The following SDSL variants were observed in gnomAD, a reference collection of about 807,000 sequenced individuals.
SDSL encodes serine dehydratase like.
In SDSL, 26 loss-of-function variants were observed where a neutral mutation model predicts 27.6. That is an observed-to-expected ratio of 0.94 (90% CI 0.69 to 1.31). The LOEUF is 1.31. Among genes scored for constraint, SDSL ranks in the 50% most tolerant of loss-of-function variants. SDSL has a pLI of 0.00. For synonymous variants in SDSL, 196 were observed against 180.6 expected, an observed-to-expected ratio of 1.09 and a Z score of -0.69; for missense variants, 431 against 423.5, an observed-to-expected ratio of 1.02 and a Z score of -0.16.
chr12:113,432,249 TTTCTTTCTTTC>T (rs1388181568), intron 4 of SDSL, among the ~76,000 whole-genome samples: 3 of 141,652 alleles, frequency 2.1e-5, no homozygotes, highest in Non-Finnish European at 4.5e-5. Context: ...TCTTTCTTTC[TTTCTTTCTTTC>T]TTTCTTTCTT....
intron 1 of SDSL, among the ~76,000 whole-genome samples, chr12:113,423,305 C>T (rs1039427459): frequency 1.3e-5 from 2 of 152,174 alleles, no homozygotes; most frequent in Admixed American, 6.5e-5. Context: ...TATAGCATCG[C>T]GGTTAATAGC....
Position 113,437,870 on chromosome 12 carries a change from C to T in SDSL, c.797-16C>T, listed in dbSNP as rs186125917. ...TCTTCCCTTTCCTTCCTCTCTCCAT[C>T]CCCCGATCCTGGCAGATGATGAGCG... On this transcript the variant is annotated splice_polypyrimidine_tract_variant and intron_variant, in intron 7 of 7. Transcript: ENST00000403593. The T allele has an allele frequency of 1.1e-4, 168 of 1,576,962 alleles. No homozygotes were observed. Among genetic ancestry groups the T allele is most frequent in the Middle Eastern group, 6.8e-4 (4 of 5,864 alleles).
chr12:113,431,825 G>A (rs1957925341), intron 4 of SDSL, among the ~76,000 whole-genome samples: 1 of 150,456 alleles, frequency 6.6e-6, no homozygotes, highest in South Asian at 2.1e-4. Flanking sequence ...TGCAAGGTCT[G>A]CCTCCCGGGT....
chr12:113,438,026 A>G lies in SDSL; in HGVS notation c.937A>G (p.Asn313Asp), dbSNP rs369428901. ...SVVVIVCGGN[N>D]INSRELQALK... Reference sequence around the variant, plus strand: ...TGTGGTAATCGTGTGTGGAGGCAACAACATCAACAGCCGAGAGCTGCAGGC... The same window carrying G: ...TGTGGTAATCGTGTGTGGAGGCAACGACATCAACAGCCGAGAGCTGCAGGC... Residue 313 changes from asparagine to aspartate, a missense_variant, in exon 8 of 8, where the codon AAC becomes GAC. Physicochemically the swap from Asn to Asp is conservative, Grantham distance 23. Transcript: ENST00000403593. The G allele has an allele frequency of 2.0e-5, 33 of 1,614,008 alleles. No homozygotes were observed. The African/African-American group carries it at 4.3e-4, about 21-fold the overall frequency.
chr12:113,434,989 C>T (rs764817727), intron 5 of SDSL, among the ~76,000 whole-genome samples: 3 of 152,114 alleles, frequency 2.0e-5, no homozygotes, highest in Admixed American at 6.5e-5. Flanking sequence ...GTGGTGCGCA[C>T]CTTTAGTCCC....
At chr12:113,425,357 C>A (rs376209244) in intron 1 of SDSL, among the ~76,000 whole-genome samples, 30 of 152,114 alleles carry the variant, frequency 2.0e-4, no homozygotes, top group African/African-American at 7.2e-4. Context: ...CTGTGCCCTG[C>A]CCGAGGGGGC....
intron 1 of SDSL, among the ~76,000 whole-genome samples, chr12:113,427,610 TC>T (rs1012815374): frequency 3.9e-5 from 6 of 152,180 alleles, no homozygotes; most frequent in African/African-American, 1.4e-4. Flanking sequence ...GACTCGTGGG[TC>T]CCCAAACCTG....
At chr12:113,425,359 C>T (rs1391976408) in intron 1 of SDSL, among the ~76,000 whole-genome samples, 5 of 152,046 alleles carry the variant, frequency 3.3e-5, no homozygotes, top group African/African-American at 1.2e-4. Context: ...GTGCCCTGCC[C>T]GAGGGGGCCC....
chr12:113,426,965 G>A (rs1355075092), intron 1 of SDSL, among the ~76,000 whole-genome samples: 1 of 152,154 alleles, frequency 6.6e-6, no homozygotes, highest in African/African-American at 2.4e-5. Context: ...TACCTCCAGA[G>A]AGACATGCTG....
rs976364966 is a variant in SDSL, at chr12:113,426,090, G to C, written c.-21-1872G>C. On this transcript the variant is annotated intron_variant, in intron 1 of 7. Transcript: ENST00000403593. ...GAATAACAACCAAACTCCTCTCCGT[G>C]GGCGGGAACCCCCTGCTGGCACCCT... 3.8e-5 allele frequency: 17 copies of C among 441,926 alleles called. No homozygotes were observed. In the Admixed American group the frequency reaches 4.1e-4, roughly 11 times the overall value. The allele number at this position is 441,926 out of a possible 1,614,324, so 27.4% of individuals were successfully genotyped here.
Position 113,428,410 on chromosome 12 carries a change from C to A in SDSL, c.175-10C>A. The A allele has an allele frequency of 6.2e-7, 1 of 1,611,228 alleles. No individual in the cohort carries two copies. Among genetic ancestry groups the A allele is most frequent in the Middle Eastern group, 1.8e-4 (1 of 5,416 alleles). On this transcript the variant is annotated splice_polypyrimidine_tract_variant and intron_variant, in intron 2 of 7. Coordinates refer to ENST00000403593, the MANE Select transcript of SDSL (RefSeq NM_001304993.2). Reference sequence around the variant, plus strand: ...GGGTTAGCCGCTAACCCCATTCCTTCTCTTCCCAGATGGCCAAGAAGGGAT... The same window carrying A: ...GGGTTAGCCGCTAACCCCATTCCTTATCTTCCCAGATGGCCAAGAAGGGAT...
intron 4 of SDSL, 73 bp downstream of exon 4, chr12:113,429,372 C>T: frequency 6.7e-7 from 1 of 1,483,442 alleles, no homozygotes; most frequent in Non-Finnish European, 9.2e-7. Context: ...CCTAAGACAT[C>T]CTGTCTCCTT....
At position 113,437,936 on chromosome 12, in the gene SDSL, A is replaced by G. The variant is rs896705021; in HGVS notation, c.847A>G (p.Ile283Val). 3.1e-6 allele frequency: 5 copies of G among 1,613,894 alleles called. No homozygotes were observed. The highest frequency in any genetic ancestry group is 4.2e-6 in the Non-Finnish European group (5 of 1,179,892). Residue 283 changes from isoleucine (I) to valine (V), a missense_variant, in exon 8 of 8, where the codon ATC (isoleucine) becomes GTC (valine). Transcript: ENST00000403593. ...TGCCTGTGGGGCAGCCTTAGCAGCCATCTACTCAGGCCTCCTGCGGAGGCT... is the reference window on the plus strand; with the variant it reads ...TGCCTGTGGGGCAGCCTTAGCAGCCGTCTACTCAGGCCTCCTGCGGAGGCT... ...EPACGAALAA[I>V]YSGLLRRLQA...
At chr12:113,434,841 G>A (rs1319772592) in intron 5 of SDSL, among the ~76,000 whole-genome samples, 2 of 152,306 alleles carry the variant, frequency 1.3e-5, no homozygotes, top group South Asian at 4.1e-4. Context: ...GAGGCCAGGC[G>A]CGGTGGCTCA....
At chr12:113,430,086 A>G (rs956612826) in intron 4 of SDSL, among the ~76,000 whole-genome samples, 3 of 150,152 alleles carry the variant, frequency 2.0e-5, no homozygotes, top group African/African-American at 7.4e-5. Flanking sequence ...CCTTCCACAC[A>G]TCACCCTTTC....
intron 7 of SDSL, among the ~76,000 whole-genome samples, chr12:113,437,669 T>C (rs1218713090): frequency 6.6e-6 from 1 of 151,908 alleles, no homozygotes; most frequent in Non-Finnish European, 1.5e-5. Context: ...GAGGAATGGA[T>C]GGATGGATAG....
At chr12:113,427,692 A>AT (rs1167382277) in intron 1 of SDSL, among the ~76,000 whole-genome samples, 1 of 152,088 alleles carries the variant, frequency 6.6e-6, no homozygotes, top group East Asian at 1.9e-4. Flanking sequence ...CCACTCTCTC[A>AT]TTCATTTCTC....
chr12:113,435,859 G>A (rs939264445), intron 6 of SDSL, among the ~76,000 whole-genome samples: 1 of 152,224 alleles, frequency 6.6e-6, no homozygotes, highest in African/African-American at 2.4e-5. Flanking sequence ...GCTCATGCTT[G>A]TAATCCCAGC....
intron 4 of SDSL, among the ~76,000 whole-genome samples, chr12:113,432,694 C>T (rs1957950275): frequency 6.6e-6 from 1 of 152,154 alleles, no homozygotes; most frequent in Non-Finnish European, 1.5e-5. Context: ...TTTGGAGTCC[C>T]CAGTGTCTCT....
Sources: allele counts gnomAD v4.1 joint callset (sites outside exome capture counted in the v4.1 genomes callset), GRCh38; gene constraint gnomAD v4.1.1; transcripts MANE v1.5; gene names NCBI Gene and HGNC (gene_info 2026-07-23, HGNC 2026-07-21).